PCDH9: variants seen among roughly 807,000 people sequenced by gnomAD.
PCDH9 encodes protocadherin-9.
In PCDH9, 24 loss-of-function variants were observed where a neutral mutation model predicts 70.6. That is an observed-to-expected ratio of 0.34 (90% CI 0.25 to 0.48). The LOEUF is 0.48. Among genes scored for constraint, PCDH9 ranks in the 20% least tolerant of loss-of-function variants. PCDH9 has a pLI of 0.99. For synonymous variants in PCDH9, 562 were observed against 558.5 expected (o/e 1.01, Z -0.09); for missense variants, 1,281 against 1,503.6 (o/e 0.85, Z 2.45).
In PCDH9 at chr13:67,225,416, G is replaced by T; in HGVS notation, c.3025C>A (p.His1009Asn). The change falls in exon 2 of 5, where the codon CAC (histidine) becomes AAC (asparagine). Residue 1009 changes from histidine to asparagine, a missense_variant. His to Asn is a moderately conservative substitution (Grantham distance 68). Coordinates refer to ENST00000377865, the MANE Select transcript of PCDH9 (RefSeq NM_203487.3). ...QGGFKTKGPL[H>N]TRQCNSHSKS... is the part of the protein sequence containing the mutation. ...AAGTGCTCGTTTACCTGTCTGGTGTGTAAGGGGCCCTTTGTCTTGAAGCCT... is the reference window on the plus strand; with the variant it reads ...AAGTGCTCGTTTACCTGTCTGGTGTTTAAGGGGCCCTTTGTCTTGAAGCCT... The T allele has an allele frequency of 1.2e-6, 2 of 1,613,894 alleles. No homozygotes were observed. The highest frequency in any genetic ancestry group is 8.5e-7 in the Non-Finnish European group (1 of 1,179,914).
At position 66,624,754 on chromosome 13, in the gene PCDH9, T is replaced by C. The variant is rs533738827; in HGVS notation, c.3340+6456A>G. Among the ~76,000 whole-genome samples, 13 of 152,326 alleles carry C rather than the reference T, an allele frequency of 8.5e-5. No homozygotes were observed. The South Asian group carries it at 2.1e-3, about 24-fold the overall frequency. ...ACTTCATTAGAAACATACTTAAATA[T>C]ATGAAATATGCTTGCTATATACAAA... On this transcript the variant is annotated intron_variant, in intron 4 of 4. Coordinates refer to ENST00000377865, the MANE Select transcript of PCDH9 (RefSeq NM_203487.3).
intron 3 of PCDH9, among the ~76,000 whole-genome samples, chr13:66,712,460 G>T (rs1414668559): frequency 6.6e-6 from 1 of 151,876 alleles, no homozygotes; most frequent in Non-Finnish European, 1.5e-5. Context: ...GCAAATGGAA[G>T]AATTATTCCT....
chr13:66,319,909 A>G (rs924390111), intron 4 of PCDH9, among the ~76,000 whole-genome samples: 4 of 152,078 alleles, frequency 2.6e-5, no homozygotes, highest in African/African-American at 9.7e-5. Context: ...ATAATTTCCA[A>G]ATTCCTTTGT....
Position 66,391,883 on chromosome 13 carries a change from C to CATATATATAT in PCDH9, c.3341-86865_3341-86856dup, listed in dbSNP as rs140840857. ...TCTCTCTCTCTCTTTGCCATATATG[C>CATATATATAT]ATATATATATATATATATATATGTT... On this transcript the variant is annotated intron_variant, in intron 4 of 4. Coordinates refer to ENST00000377865, the MANE Select transcript of PCDH9 (RefSeq NM_203487.3). Among the ~76,000 whole-genome samples the CATATATATAT allele has an allele frequency of 5.1e-3, 733 of 143,220 alleles. 4 individuals carry two copies. Among genetic ancestry groups the CATATATATAT allele is most frequent in the South Asian group, 0.014 (63 of 4,490 alleles). 94.0% of individuals were successfully genotyped at this position (143,220 alleles called of 152,430 possible).
intron 2 of PCDH9, among the ~76,000 whole-genome samples, chr13:67,199,319 T>A (rs963405140): frequency 2.6e-5 from 4 of 151,816 alleles, no homozygotes; most frequent in African/African-American, 9.7e-5. Context: ...TTTTTTTTTA[T>A]AAAAATATGC....
chr13:66,703,911 T>TAA lies in PCDH9; in HGVS notation c.3139-72502_3139-72501dup, dbSNP rs34387881. Among the ~76,000 whole-genome samples, 511 of 150,928 alleles carry TAA rather than the reference T, an allele frequency of 3.4e-3. 1 individual carries two copies. Among genetic ancestry groups the TAA allele is most frequent in the Non-Finnish European group, 5.7e-3 (385 of 67,674 alleles). On this transcript the variant is annotated intron_variant, in intron 3 of 4. Coordinates refer to ENST00000377865, the MANE Select transcript of PCDH9 (RefSeq NM_203487.3). ...GCAAAACCCTGTCTCAATTAAAAATTAAAAAAAAATAGGAAAACATTTCTA... is the reference window on the plus strand; with the variant it reads ...GCAAAACCCTGTCTCAATTAAAAATTAAAAAAAAAAATAGGAAAACATTTCTA...
intron 2 of PCDH9, among the ~76,000 whole-genome samples, chr13:67,007,433 G>A (rs1479852004): frequency 2.6e-5 from 4 of 152,016 alleles, no homozygotes; most frequent in African/African-American, 9.7e-5. Context: ...TTTCTGAGGG[G>A]TTTTTAATAT....
At chr13:66,333,992 T>C (rs1218770964) in intron 4 of PCDH9, among the ~76,000 whole-genome samples, 2 of 152,170 alleles carry the variant, frequency 1.3e-5, no homozygotes, top group South Asian at 2.1e-4. Flanking sequence ...TGATCAAATC[T>C]GGGTAATTAA....
chr13:66,994,010 AAAAG>A (rs1307986906), intron 2 of PCDH9, among the ~76,000 whole-genome samples: 1 of 152,184 alleles, frequency 6.6e-6, no homozygotes, highest in African/African-American at 2.4e-5. Context: ...AAAAGTGAGA[AAAAG>A]AAAGAAAGAA....
chr13:66,692,230 C>A lies in PCDH9; in HGVS notation c.3139-60819G>T, dbSNP rs1012993280. ...AGAAAATTAAAATCTATAGCTTTAT[C>A]ATCAATGTAAGTCATGTTGAAATAT... On this transcript the variant is annotated intron_variant, in intron 3 of 4. Transcript: ENST00000377865. Among the ~76,000 whole-genome samples the A allele has an allele frequency of 7.2e-5, 11 of 152,168 alleles. No individual in the cohort carries two copies. In the East Asian group the frequency reaches 2.1e-3, roughly 29 times the overall value.
chr13:66,330,975 A>G, intron 4 of PCDH9, among the ~76,000 whole-genome samples: 1 of 152,186 alleles, frequency 6.6e-6, no homozygotes, highest in East Asian at 1.9e-4. Flanking sequence ...TTTATGTCTG[A>G]GATAATATCT....
At position 66,489,132 on chromosome 13, in the gene PCDH9, G is replaced by A. The variant is rs1431351228; in HGVS notation, c.3340+142078C>T. Among the ~76,000 whole-genome samples the A allele has an allele frequency of 2.6e-5, 4 of 152,032 alleles. 1 individual carries two copies. The East Asian group carries it at 7.7e-4, about 29-fold the overall frequency. On this transcript the variant is annotated intron_variant, in intron 4 of 4. Transcript: ENST00000377865. ...GTAGACACTTTTCAAACTAAATATA[G>A]ATTGTCTTTAACTTTATTTTTTTGA...
chr13:67,157,023 T>A (rs553434570), intron 2 of PCDH9, among the ~76,000 whole-genome samples: 3 of 152,236 alleles, frequency 2.0e-5, no homozygotes, highest in South Asian at 2.1e-4. Context: ...TGTTAAATAC[T>A]TGTATTATAA....
chr13:66,631,244 C>A lies in PCDH9; in HGVS notation c.3306G>T (p.Arg1102Ser), dbSNP rs1314338545. The A allele has an allele frequency of 6.2e-7, 1 of 1,609,416 alleles. No homozygotes were observed. Among genetic ancestry groups the A allele is most frequent in the Non-Finnish European group, 8.5e-7 (1 of 1,175,798 alleles). Residue 1102 changes from arginine to serine, a missense_variant, in exon 4 of 5, where the codon AGG becomes AGT. By Grantham distance (110) the Arg-to-Ser change is moderately radical (BLOSUM62 -1). Transcript: ENST00000377865. ...GATCAGAGTTGCCATCTGCTTCAGT[C>A]CTCTTGTCCGGAGAGGCCTGGTCAT... ...EFYDQASPDKRTEADGNSDPN... is the reference protein window; with the variant it reads ...EFYDQASPDKSTEADGNSDPN...
At chr13:66,364,697 A>G (rs1031068520) in intron 4 of PCDH9, among the ~76,000 whole-genome samples, 1 of 152,180 alleles carries the variant, frequency 6.6e-6, no homozygotes, top group Non-Finnish European at 1.5e-5. Flanking sequence ...CTGTAGATTA[A>G]GGAAGGGGAA....
At chr13:67,104,853 A>T (rs540749016) in intron 2 of PCDH9, among the ~76,000 whole-genome samples, 5 of 152,188 alleles carry the variant, frequency 3.3e-5, no homozygotes, top group Non-Finnish European at 7.3e-5. Context: ...TGGGCCAATA[A>T]AATGGTTTTA....
chr13:66,534,394 T>C (rs912258832), intron 4 of PCDH9, among the ~76,000 whole-genome samples: 3 of 152,060 alleles, frequency 2.0e-5, no homozygotes, highest in Admixed American at 6.6e-5. Context: ...GACAGTATCG[T>C]TGGGTTCTGG....
At chr13:66,926,697 C>A (rs2082722555) in intron 2 of PCDH9, among the ~76,000 whole-genome samples, 1 of 152,070 alleles carries the variant, frequency 6.6e-6, no homozygotes, top group Non-Finnish European at 1.5e-5. Context: ...AGCATAGGTA[C>A]TCAGAACAGC....
At chr13:66,736,253 C>A (rs1000061485) in intron 3 of PCDH9, among the ~76,000 whole-genome samples, 1 of 152,052 alleles carries the variant, frequency 6.6e-6, no homozygotes, top group Non-Finnish European at 1.5e-5. Context: ...ACTATTTTGG[C>A]TAAAGGACCT....
Sources: allele counts gnomAD v4.1 joint callset (sites outside exome capture counted in the v4.1 genomes callset), GRCh38; gene constraint gnomAD v4.1.1; transcripts MANE v1.5; gene names NCBI Gene and HGNC (gene_info 2026-07-23, HGNC 2026-07-21).